GBP2: variants seen among roughly 807,000 people sequenced by gnomAD.
GBP2 encodes guanylate binding protein 2.
A neutral mutation model predicts 60.8 loss-of-function variants in GBP2; 54 were observed. The observed-to-expected ratio is 0.89, with a 90% CI of 0.71 to 1.11. GBP2 has a LOEUF of 1.11. Ranked by LOEUF, GBP2 falls within the 50% of genes most tolerant of loss-of-function variation. GBP2 has a pLI of 0.00. For synonymous variants in GBP2, 243 were observed against 256.5 expected (o/e 0.95, Z 0.50); for missense variants, 665 against 703.3 (o/e 0.95, Z 0.62).
Position 89,117,151 on chromosome 1 carries a change from C to A in GBP2, c.709G>T (p.Asp237Tyr), listed in dbSNP as rs372892988. The change falls in exon 6 of 11, where the codon GAT becomes TAT. Residue 237 changes from aspartate (D) to tyrosine (Y), a missense_variant. By Grantham distance (160) the Asp-to-Tyr change is radical (BLOSUM62 -3). Coordinates refer to ENST00000370466, the MANE Select transcript of GBP2 (RefSeq NM_004120.5). Reference protein sequence around the residue: ...FFPKRKCFVFDWPAPKKYLAH... With the variant: ...FFPKRKCFVFYWPAPKKYLAH... Reference sequence around the variant, plus strand: ...AGGTACTTCTTAGGAGCGGGCCAATCGAAGACGAAGCACTTCCTCTTGGGG... The same window carrying A: ...AGGTACTTCTTAGGAGCGGGCCAATAGAAGACGAAGCACTTCCTCTTGGGG... 1.9e-6 allele frequency: 3 copies of A among 1,614,118 alleles called. No individual in the cohort carries two copies. The highest frequency in any genetic ancestry group is 2.2e-5 in the South Asian group (2 of 91,080).
chr1:89,108,899 C>CTTTCT (rs111673250), intron 10 of GBP2, among the ~76,000 whole-genome samples: 92,214 of 146,836 alleles, frequency 0.63, 29,289 homozygotes, highest in East Asian at 0.77. Context: ...GGGAATCTTT[C>CTTTCT]TTTTTTTTTT....
chr1:89,119,161 C>T (rs572723861), intron 4 of GBP2: 1 of 152,044 alleles, frequency 6.6e-6, no homozygotes, highest in Non-Finnish European at 1.5e-5. Context: ...AAAAAGTCTA[C>T]CAATAAGGAA....
chr1:89,112,390 G>T, intron 8 of GBP2, 82 bp downstream of exon 8: 1 of 1,154,002 alleles, frequency 8.7e-7, no homozygotes, highest in Non-Finnish European at 1.3e-6. Flanking sequence ...ACCAGTTGCA[G>T]TGCCATTTAC....
Position 89,113,897 on chromosome 1 carries a change from T to G in GBP2, c.1149+119A>C, listed in dbSNP as rs531390357. The G allele has an allele frequency of 7.5e-5, 90 of 1,205,330 alleles. No individual in the cohort carries two copies. The African/African-American group carries it at 1.2e-3, about 16-fold the overall frequency. The allele number at this position is 1,205,330 out of a possible 1,614,324, so 74.7% of individuals were successfully genotyped here. On this transcript the variant is annotated intron_variant, in intron 7 of 10. Transcript: ENST00000370466. ...GGCTATGCACATTCTAGTCTTTTAA[T>G]GATTATTTCAAATATGTACACATAA...
At chr1:89,125,721 C>T (rs1339560783) in intron 1 of GBP2, 142 bp downstream of exon 1, 1 of 152,216 alleles carries the variant, frequency 6.6e-6, no homozygotes, top group Non-Finnish European at 1.5e-5. Context: ...ACTAAGGAAC[C>T]TGCAGCCACT....
At chr1:89,124,318 C>T (rs186803026) in intron 1 of GBP2, among the ~76,000 whole-genome samples, 28 of 152,254 alleles carry the variant, frequency 1.8e-4, no homozygotes, top group Middle Eastern at 3.4e-3. Context: ...TTGCCAAGTT[C>T]CTCTCCAGAA....
Position 89,114,045 on chromosome 1 carries a change from C to T in GBP2, c.1120G>A (p.Val374Met), listed in dbSNP as rs1362213914. ...EVFMKNSFKD[V>M]DQMFQRKLGA... ...AATTTCCTCTGGAACATTTGGTCCACATCCTTGAAAGAGTTCTTCATGAAG... is the reference window on the plus strand; with the variant it reads ...AATTTCCTCTGGAACATTTGGTCCATATCCTTGAAAGAGTTCTTCATGAAG... Residue 374 changes from valine (V) to methionine (M), a missense_variant, in exon 7 of 11, where the codon GTG (valine) becomes ATG (methionine). Physicochemically the swap from Val to Met is conservative, Grantham distance 21. Coordinates refer to ENST00000370466, the MANE Select transcript of GBP2 (RefSeq NM_004120.5). The T allele has an allele frequency of 8.7e-6, 14 of 1,614,124 alleles. No individual in the cohort carries two copies. Among genetic ancestry groups the T allele is most frequent in the Admixed American group, 3.3e-5 (2 of 60,014 alleles).
intron 3 of GBP2, 94 bp from the exon 4 acceptor site, chr1:89,120,382 T>C: frequency 2.0e-6 from 2 of 1,005,374 alleles, no homozygotes; most frequent in Non-Finnish European, 3.1e-6. Context: ...CAACTCTGTC[T>C]CTCATTAGTT....
chr1:89,115,606 G>A (rs769558955), intron 6 of GBP2, among the ~76,000 whole-genome samples: 6 of 151,568 alleles, frequency 4.0e-5, no homozygotes, highest in Non-Finnish European at 5.9e-5. Flanking sequence ...TTCTATTTTC[G>A]TTTAAAAAAT....
At chr1:89,112,334 T>C (rs1158244916) in intron 8 of GBP2, 138 bp downstream of exon 8, 20 of 703,200 alleles carry the variant, frequency 2.8e-5, no homozygotes, top group East Asian at 5.0e-5. Context: ...GGCTCTCTTA[T>C]TGAATGAATC....
chr1:89,112,816 G>A, intron 7 of GBP2, 132 bp from the exon 8 acceptor site: 1 of 658,034 alleles, frequency 1.5e-6, no homozygotes, highest in Non-Finnish European at 2.7e-6. Flanking sequence ...TCACATTGCT[G>A]TTAGATCCTA....
At position 89,106,307 on chromosome 1, in the gene GBP2, G is replaced by T. The variant is rs1251120481; in HGVS notation, c.*1868C>A. ...ATACAAAATACTAACTGTTTGAAAG[G>T]TAAGAGCAATAACTAAACTGAGGCA... On this transcript the variant is annotated 3_prime_UTR_variant, in exon 11 of 11. Coordinates refer to ENST00000370466, the MANE Select transcript of GBP2 (RefSeq NM_004120.5). 6.6e-6 allele frequency: 1 copy of T among 152,150 alleles called. No individual in the cohort carries two copies. The highest frequency in any genetic ancestry group is 2.4e-5 in the African/African-American group (1 of 41,442). The allele number at this position is 152,150 out of a possible 1,614,324, so 9.4% of individuals were successfully genotyped here.
Position 89,126,095 on chromosome 1 carries a change from G to A in GBP2, c.-250C>T, listed in dbSNP as rs927255246. On this transcript the variant is annotated 5_prime_UTR_variant, in exon 1 of 11. Transcript: ENST00000370466. ...GAGACAAGAAAAAGAGGTAACCTCT[G>A]CAAAGAAATGCACTAATATGAAACA... 6.6e-6 allele frequency: 1 copy of A among 152,190 alleles called. No homozygotes were observed. The highest frequency in any genetic ancestry group is 6.5e-5 in the Admixed American group (1 of 15,280). The allele number at this position is 152,190 out of a possible 1,614,324, so 9.4% of individuals were successfully genotyped here.
In GBP2 at chr1:89,117,175, G is replaced by A; in HGVS notation, c.685C>T (p.Pro229Ser). 6.2e-7 allele frequency: 1 copy of A among 1,614,078 alleles called. No homozygotes were observed. Among genetic ancestry groups the A allele is most frequent in the Non-Finnish European group, 8.5e-7 (1 of 1,179,966 alleles). Residue 229 changes from proline to serine, a missense_variant, in exon 6 of 11, where the codon CCC becomes TCC. Transcript: ENST00000370466. ...TCGAAGACGAAGCACTTCCTCTTGGGGAAGAACTTTCGGATGCACAACCGA... is the reference window on the plus strand; with the variant it reads ...TCGAAGACGAAGCACTTCCTCTTGGAGAAGAACTTTCGGATGCACAACCGA... ...DPRLCIRKFF[P>S]KRKCFVFDWP...
chr1:89,110,237 C>G lies in GBP2; in HGVS notation c.1392G>C (p.Glu464Asp), dbSNP rs1326032068. ...QAKEVLKKYL[E>D]SKEDVADALL... Reference sequence around the variant, plus strand: ...GTGCATCAGCCACATCCTCCTTGGACTCCAAATATTTTTTCAGCACCTCTT... The same window carrying G: ...GTGCATCAGCCACATCCTCCTTGGAGTCCAAATATTTTTTCAGCACCTCTT... The change falls in exon 9 of 11, where the codon GAG becomes GAC. Residue 464 changes from glutamate to aspartate, a missense_variant. Physicochemically the swap from Glu to Asp is conservative, Grantham distance 45 (BLOSUM62 2). Coordinates refer to ENST00000370466, the MANE Select transcript of GBP2 (RefSeq NM_004120.5). 1 of 1,613,794 alleles carries G rather than the reference C, an allele frequency of 6.2e-7. No homozygotes were observed. Among genetic ancestry groups the G allele is most frequent in the Admixed American group, 1.7e-5 (1 of 59,980 alleles).
rs772515010 is a variant in GBP2, at chr1:89,114,314, T to A, written c.869-18A>T. On this transcript the variant is annotated intron_variant, in intron 6 of 10. Coordinates refer to ENST00000370466, the MANE Select transcript of GBP2 (RefSeq NM_004120.5). Reference sequence around the variant, plus strand: ...CTCTAGACCTGCAAAAGGGAATTTTTAAAAAAATGTGACTATCAGTTGGTG... The same window carrying A: ...CTCTAGACCTGCAAAAGGGAATTTTAAAAAAAATGTGACTATCAGTTGGTG... 29 of 1,604,912 alleles carry A rather than the reference T, an allele frequency of 1.8e-5. No homozygotes were observed. Among genetic ancestry groups the A allele is most frequent in the African/African-American group, 4.0e-5 (3 of 74,456 alleles).
At chr1:89,113,696 C>T (rs981550271) in intron 7 of GBP2, among the ~76,000 whole-genome samples, 3 of 151,922 alleles carry the variant, frequency 2.0e-5, no homozygotes, top group African/African-American at 7.3e-5. Flanking sequence ...CTGATAATTA[C>T]CAGGGAACAT....
chr1:89,125,646 A>T (rs185265210), intron 1 of GBP2, among the ~76,000 whole-genome samples: 26 of 152,230 alleles, frequency 1.7e-4, no homozygotes, highest in Non-Finnish European at 2.9e-4. Flanking sequence ...CAAGAAAGAA[A>T]TAACAATTTA....
In GBP2 at chr1:89,109,730, C is replaced by A. The variant is rs201745716; in HGVS notation, c.1606G>T (p.Asp536Tyr). The change falls in exon 10 of 11, where the codon GAC (aspartate) becomes TAC (tyrosine). Residue 536 changes from aspartate (D) to tyrosine (Y), a missense_variant. Asp to Tyr is a radical substitution (Grantham distance 160). Transcript: ENST00000370466. ...VKQLTEKMERDRAQLMAEQEK... is the reference protein window; with the variant it reads ...VKQLTEKMERYRAQLMAEQEK... ...TGCTCTGCCATTAACTGGGCCCTGTCCCTCTCCATCTTCTCAGTCAATTGT... is the reference window on the plus strand; with the variant it reads ...TGCTCTGCCATTAACTGGGCCCTGTACCTCTCCATCTTCTCAGTCAATTGT... 130 of 1,613,994 alleles carry A rather than the reference C, an allele frequency of 8.1e-5. 3 individuals are homozygous for A. The highest frequency in any genetic ancestry group is 1.1e-4 in the Non-Finnish European group (125 of 1,180,022).
Sources: allele counts gnomAD v4.1 joint callset (sites outside exome capture counted in the v4.1 genomes callset), GRCh38; gene constraint gnomAD v4.1.1; transcripts MANE v1.5; gene names NCBI Gene and HGNC (gene_info 2026-07-23, HGNC 2026-07-21).